SMIM44: variants seen among roughly 807,000 people sequenced by gnomAD.
SMIM44 encodes the protein small integral membrane protein 44.
the SMIM44 span, among the ~76,000 whole-genome samples, chr19:3,482,273 GAGA>G: frequency 2.6e-5 from 4 of 152,224 alleles, no homozygotes; most frequent in African/African-American, 9.6e-5. Context: ...GCGGGGGCTG[GAGA>G]AGATTTGGAG....
the SMIM44 span, chr19:3,483,025 G>C: frequency 2.5e-6 from 1 of 398,558 alleles, no homozygotes; most frequent in East Asian, 3.6e-5. Flanking sequence ...GCGGCCTCCT[G>C]GTCTGGCTTC....
the SMIM44 span, among the ~76,000 whole-genome samples, chr19:3,482,400 C>T: frequency 6.6e-6 from 1 of 152,202 alleles, no homozygotes; most frequent in Non-Finnish European, 1.5e-5. Context: ...GCTCTGAGAC[C>T]TTGGCGAAGC....
At chr19:3,482,738 A>G in the SMIM44 span, 2 of 397,420 alleles carry the variant, frequency 5.0e-6, no homozygotes, top group East Asian at 7.1e-5. Flanking sequence ...GTTTGCAGAA[A>G]GGGCTCCGGC....
the SMIM44 span, chr19:3,482,868 C>T: frequency 9.7e-6 from 2 of 205,286 alleles, no homozygotes; most frequent in East Asian, 8.2e-5. Flanking sequence ...AATGGAGGGG[C>T]GGCGGGGCTC....
chr19:3,482,903 G>A, the SMIM44 span: 1 of 398,030 alleles, frequency 2.5e-6, no homozygotes, highest in African/African-American at 2.1e-5. Context: ...GTTCAGAGGG[G>A]GCTCCCTCCC....
the SMIM44 span, among the ~76,000 whole-genome samples, chr19:3,482,327 T>C: frequency 6.6e-6 from 1 of 152,158 alleles, no homozygotes; most frequent in Admixed American, 6.5e-5. Flanking sequence ...AGGACCCGCC[T>C]TGGAGATCCT....
At chr19:3,483,208 G>A in the SMIM44 span, 2 of 398,424 alleles carry the variant, frequency 5.0e-6, no homozygotes, top group Admixed American at 8.8e-5. Context: ...TCACCGGCCA[G>A]GTCGTGGGCG....
the SMIM44 span, chr19:3,483,340 C>T: frequency 5.0e-6 from 2 of 398,274 alleles, no homozygotes; most frequent in Non-Finnish European, 4.4e-6. Context: ...GGCCGGTACT[C>T]CTCGTACAGC....
chr19:3,483,066 C>G, the SMIM44 span: 2 of 398,498 alleles, frequency 5.0e-6, no homozygotes, highest in Non-Finnish European at 8.9e-6. Context: ...GGCAAGGGAG[C>G]TGGTGAGGCA....
chr19:3,483,426 G>A, the SMIM44 span: 3 of 397,518 alleles, frequency 7.5e-6, no homozygotes, highest in African/African-American at 2.1e-5. Context: ...GCACAGGGGA[G>A]GCCCGGAGGT....
At chr19:3,483,333 C>T in the SMIM44 span, 22 of 398,140 alleles carry the variant, frequency 5.5e-5, no homozygotes, top group South Asian at 1.3e-4. Flanking sequence ...GGGCGGCGGC[C>T]GGTACTCCTC....
chr19:3,482,859 A>G, the SMIM44 span: 40 of 247,218 alleles, frequency 1.6e-4, no homozygotes, highest in Middle Eastern at 2.3e-3. Context: ...CTTGAAGGCA[A>G]TGGAGGGGCG....
At chr19:3,482,506 C>G in the SMIM44 span, among the ~76,000 whole-genome samples, 1 of 152,226 alleles carries the variant, frequency 6.6e-6, no homozygotes, top group East Asian at 1.9e-4. Flanking sequence ...TAGAAAAAGC[C>G]TGCTCTGCAC....
chr19:3,483,302 G>T, the SMIM44 span: 7 of 398,256 alleles, frequency 1.8e-5, no homozygotes, highest in African/African-American at 1.4e-4. Context: ...GCACGTACCT[G>T]GGCAGGCGGA....
At chr19:3,482,457 C>T in the SMIM44 span, among the ~76,000 whole-genome samples, 4 of 152,208 alleles carry the variant, frequency 2.6e-5, no homozygotes. Context: ...TAAGTGGGGG[C>T]GATCAGTCCT....
the SMIM44 span, chr19:3,482,945 G>A: frequency 7.5e-6 from 3 of 398,264 alleles, no homozygotes; most frequent in Non-Finnish European, 1.3e-5. Flanking sequence ...CGCCCTGCCA[G>A]GCCAGGGCCA....
At chr19:3,482,786 G>A in the SMIM44 span, 5 of 397,846 alleles carry the variant, frequency 1.3e-5, no homozygotes, top group East Asian at 7.1e-5. Flanking sequence ...CAAAGCGTCC[G>A]GAACCCGGAT....
At chr19:3,482,923 C>G in the SMIM44 span, 1 of 398,168 alleles carries the variant, frequency 2.5e-6, no homozygotes, top group Non-Finnish European at 4.4e-6. Context: ...CCACCCCCGC[C>G]GGCGTCCTCC....
the SMIM44 span, chr19:3,483,215 G>C: frequency 2.5e-6 from 1 of 398,556 alleles, no homozygotes; most frequent in Non-Finnish European, 4.4e-6. Flanking sequence ...CCAGGTCGTG[G>C]GCGAGGTCTT....
Sources: allele counts gnomAD v4.1 joint callset (sites outside exome capture counted in the v4.1 genomes callset), GRCh38; gene constraint gnomAD v4.1.1; transcripts MANE v1.5; gene names NCBI Gene and HGNC (gene_info 2026-07-23, HGNC 2026-07-21).